UBE2D2: variants seen among roughly 807,000 people sequenced by gnomAD.
The protein encoded by UBE2D2 is ubiquitin conjugating enzyme E2 D2, also known as ubiquitin-conjugating enzyme E2 D2.
A neutral mutation model predicts 24.2 loss-of-function variants in UBE2D2; 2 were observed. The ratio of observed to expected loss-of-function variants is 0.08; its 90% confidence interval spans 0.03 to 0.26. The LOEUF (loss-of-function observed/expected upper bound fraction) is 0.26. Among genes scored for constraint, UBE2D2 ranks in the 10% least tolerant of loss-of-function variants. The pLI is 1.00. For missense variants in UBE2D2, 44 were observed against 177.6 expected, an observed-to-expected ratio of 0.25 and a Z score of 4.28; for synonymous variants, 58 against 56.5, an observed-to-expected ratio of 1.03 and a Z score of -0.12.
chr5:139,571,171 G>A (rs1753344152), intron 1 of UBE2D2, among the ~76,000 whole-genome samples: 1 of 151,870 alleles, frequency 6.6e-6, no homozygotes, highest in Admixed American at 6.6e-5. Flanking sequence ...CACTTTGGGA[G>A]GCCGAGGCGG....
intron 1 of UBE2D2, among the ~76,000 whole-genome samples, chr5:139,587,160 G>A (rs1219922101): frequency 6.6e-6 from 1 of 152,144 alleles, no homozygotes; most frequent in African/African-American, 2.4e-5. Context: ...GAAGAGAACC[G>A]TAGAACCCAG....
intron 1 of UBE2D2, among the ~76,000 whole-genome samples, chr5:139,585,935 CAAAAAAA>C (rs60277561): frequency 1.8e-3 from 45 of 25,556 alleles, no homozygotes; most frequent in South Asian, 9.1e-3. Context: ...GACTCTGTCT[CAAAAAAA>C]AAAAAAAAAA....
At position 139,625,394 on chromosome 5, in the gene UBE2D2, C is replaced by A. The variant is rs1166560612; in HGVS notation, c.399-1362C>A. ...CCCCCCAAAGTGCTGCTGTTACAGG[C>A]ATGAGTTACCGTGCAAGGCCAGCAT... On this transcript the variant is annotated intron_variant, in intron 6 of 6. Coordinates refer to ENST00000398733, the MANE Select transcript of UBE2D2 (RefSeq NM_003339.3). Among the ~76,000 whole-genome samples the A allele has an allele frequency of 2.9e-5, 4 of 138,014 alleles. No individual in the cohort carries two copies. In the Admixed American group the frequency reaches 3.1e-4, roughly 11 times the overall value. The allele number at this position is 138,014 out of a possible 152,430, so 90.5% of individuals were successfully genotyped here. A position where few individuals can be genotyped will look rare whatever the true frequency, so the allele number is the denominator to read the frequency against.
At chr5:139,551,592 G>A (rs892624765) in intron 1 of UBE2D2, among the ~76,000 whole-genome samples, 5 of 152,168 alleles carry the variant, frequency 3.3e-5, no homozygotes, top group East Asian at 3.9e-4. Context: ...TCAGCCAGTC[G>A]TTAATGAATT....
At chr5:139,601,432 T>C (rs951094793) in intron 2 of UBE2D2, among the ~76,000 whole-genome samples, 7 of 152,074 alleles carry the variant, frequency 4.6e-5, no homozygotes, top group Non-Finnish European at 1.0e-4. Flanking sequence ...GGTGAAGCCC[T>C]GTCTCTACAA....
chr5:139,596,085 G>A (rs1347760433), intron 1 of UBE2D2, among the ~76,000 whole-genome samples: 5 of 150,984 alleles, frequency 3.3e-5, no homozygotes, highest in Non-Finnish European at 7.4e-5. Flanking sequence ...GTAGAGATGG[G>A]GTTTCAGCAT....
rs548228624 is a variant in UBE2D2 at position 139,596,419 on chromosome 5, C to T, written c.25-3953C>T. 4.0e-5 allele frequency among the ~76,000 whole-genome samples: 6 copies of T among 151,534 alleles called. No individual in the cohort carries two copies. The East Asian group carries it at 7.9e-4, about 20-fold the overall frequency. On this transcript the variant is annotated intron_variant, in intron 1 of 6. Transcript: ENST00000398733. ...AGCGATTCTCCTGCCTCAGCCTCCCCGGTAAATGGGATTACAGGTGTGCGC... is the reference window on the plus strand; with the variant it reads ...AGCGATTCTCCTGCCTCAGCCTCCCTGGTAAATGGGATTACAGGTGTGCGC...
chr5:139,626,488 A>G (rs1200142584), intron 6 of UBE2D2, among the ~76,000 whole-genome samples: 1 of 152,264 alleles, frequency 6.6e-6, no homozygotes, highest in Non-Finnish European at 1.5e-5. Context: ...AAATAGGCCA[A>G]TCAAGTATGG....
At chr5:139,548,183 AT>A (rs1187554181) in intron 1 of UBE2D2, among the ~76,000 whole-genome samples, 729 of 36,256 alleles carry the variant, frequency 0.02, 14 homozygotes, top group African/African-American at 0.17. Flanking sequence ...AAAAAAAAAA[AT>A]AAAAAAAAAA....
chr5:139,543,308 C>T (rs918548289), intron 1 of UBE2D2, among the ~76,000 whole-genome samples: 3 of 152,196 alleles, frequency 2.0e-5, no homozygotes, highest in Admixed American at 2.0e-4. Context: ...AACATATACC[C>T]TACATTAGTT....
At chr5:139,626,586 T>C (rs1180030591) in intron 6 of UBE2D2, among the ~76,000 whole-genome samples, 170 bp from the exon 7 acceptor site, 1 of 152,236 alleles carries the variant, frequency 6.6e-6, no homozygotes, top group Admixed American at 6.5e-5. Flanking sequence ...TTACAGCTCC[T>C]TCCCATTATC....
chr5:139,548,192 A>AT (rs1752862335), intron 1 of UBE2D2, among the ~76,000 whole-genome samples: 1 of 52,116 alleles, frequency 1.9e-5, no homozygotes, highest in South Asian at 7.1e-4. Flanking sequence ...AATAAAAAAA[A>AT]AAAATAAATA....
intron 1 of UBE2D2, among the ~76,000 whole-genome samples, chr5:139,588,250 TTTTTTTTTTGTTTTG>T (rs1312513881): frequency 3.3e-5 from 5 of 149,704 alleles, no homozygotes; most frequent in African/African-American, 1.2e-4. Flanking sequence ...TGTTTAGCGT[TTTTTTTTTTGTTTTG>T]TTTTGTTTTG....
chr5:139,532,631 G>A (rs528924440), intron 1 of UBE2D2, among the ~76,000 whole-genome samples: 11 of 151,746 alleles, frequency 7.2e-5, no homozygotes, highest in Non-Finnish European at 1.3e-4. Context: ...GATTACAGGC[G>A]TGAGCCACCG....
chr5:139,556,308 G>A (rs1350742968), upstream of UBE2D2, among the ~76,000 whole-genome samples: 1 of 151,958 alleles, frequency 6.6e-6, no homozygotes, highest in Non-Finnish European at 1.5e-5. Flanking sequence ...CTACTTGGGA[G>A]GCTGAGGCAG....
intron 1 of UBE2D2, among the ~76,000 whole-genome samples, chr5:139,586,968 A>C (rs945352831): frequency 2.6e-5 from 4 of 152,144 alleles, no homozygotes; most frequent in Admixed American, 6.6e-5. Flanking sequence ...GTACAGTGGC[A>C]CTATCATAGT....
intron 1 of UBE2D2, chr5:139,562,044 C>G (rs2126646532): frequency 1.2e-6 from 1 of 825,058 alleles, no homozygotes; most frequent in African/African-American, 1.8e-5. Flanking sequence ...TCCTCCCCGG[C>G]TGCCCTTCCA....
chr5:139,540,414 C>T (rs548790218), intron 1 of UBE2D2, among the ~76,000 whole-genome samples: 3 of 151,586 alleles, frequency 2.0e-5, no homozygotes, highest in Non-Finnish European at 4.4e-5. Context: ...GGTGTTGTGG[C>T]GGGCGCCTGT....
rs1388805924 is a variant in UBE2D2 at position 139,540,349 on chromosome 5, C to T, written c.-64+13737C>T. ...TAAAAATAACATTTAAATAGTACAT[C>T]GACATAACCTTCTATGTGACATAAA... is the stretch of plus-strand genomic sequence containing the variant. On this transcript the variant is annotated intron_variant, in intron 1 of 6. Coordinates refer to the UBE2D2 transcript ENST00000511725. 2.6e-5 allele frequency among the ~76,000 whole-genome samples: 4 copies of T among 152,014 alleles called. 1 individual carries two copies. The South Asian group carries it at 8.3e-4, about 32-fold the overall frequency.
Sources: allele counts gnomAD v4.1 joint callset (sites outside exome capture counted in the v4.1 genomes callset), GRCh38; gene constraint gnomAD v4.1.1; transcripts MANE v1.5; gene names NCBI Gene and HGNC (gene_info 2026-07-23, HGNC 2026-07-21).